SNX25: variants seen among roughly 807,000 people sequenced by gnomAD.
SNX25 encodes the protein sorting nexin-25.
SNX25 carries 62 observed loss-of-function variants against 113.7 expected under a neutral mutation model. That is an observed-to-expected ratio of 0.55 (90% confidence interval 0.44 to 0.67). The LOEUF (loss-of-function observed/expected upper bound fraction) is 0.67, where lower values mean the gene tolerates loss of function less well. Among genes scored for constraint, SNX25 ranks in the 30% least tolerant of loss-of-function variants. The probability of loss-of-function intolerance (pLI) is 0.00; values close to 1 mark genes in which losing one functional copy is unlikely to be tolerated. For synonymous variants in SNX25, 421 were observed against 436.2 expected, an observed-to-expected ratio of 0.97 and a Z score of 0.43; for missense variants, 1,014 against 1,161.0, an observed-to-expected ratio of 0.87 and a Z score of 1.84.
At chr4:185,224,430 A>G (rs1442369394) in intron 1 of SNX25, among the ~76,000 whole-genome samples, 37 of 98,776 alleles carry the variant, frequency 3.7e-4, no homozygotes, top group South Asian at 6.9e-4. Flanking sequence ...AATATATAAA[A>G]ATATATAGAT....
At chr4:185,242,572 G>A (rs980356815) in intron 1 of SNX25, among the ~76,000 whole-genome samples, 14 of 152,322 alleles carry the variant, frequency 9.2e-5, no homozygotes, top group East Asian at 3.9e-4. Context: ...GAAATGCTAC[G>A]GTGAGGTATG....
chr4:185,260,656 G>A (rs890462442), intron 3 of SNX25, among the ~76,000 whole-genome samples: 2 of 152,232 alleles, frequency 1.3e-5, no homozygotes, highest in Non-Finnish European at 1.5e-5. Flanking sequence ...CGGGAGTGAT[G>A]ATGCCATTTC....
chr4:185,269,192 C>A (rs1315930493), intron 5 of SNX25, among the ~76,000 whole-genome samples: 1 of 151,400 alleles, frequency 6.6e-6, no homozygotes, highest in Non-Finnish European at 1.5e-5. Flanking sequence ...TTTAAAGCAT[C>A]ATTCTATAAA....
intron 10 of SNX25, among the ~76,000 whole-genome samples, chr4:185,335,830 C>A (rs375129527): frequency 1.3e-5 from 2 of 152,128 alleles, no homozygotes; most frequent in Admixed American, 1.3e-4. Flanking sequence ...TAGAGTGACA[C>A]CTGCCCTCAA....
intron 3 of SNX25, among the ~76,000 whole-genome samples, chr4:185,259,330 A>G (rs1746908224): frequency 6.6e-6 from 1 of 152,158 alleles, no homozygotes; most frequent in Admixed American, 6.5e-5. Flanking sequence ...ATGATCTTAT[A>G]GTATTATGAG....
intron 13 of SNX25, 107 bp downstream of exon 13, chr4:185,346,757 T>A (rs1429264769): frequency 3.0e-6 from 2 of 659,394 alleles, no homozygotes; most frequent in Non-Finnish European, 5.1e-6. Flanking sequence ...TCACAAGCCA[T>A]GCTAGATGCT....
chr4:185,364,974 A>G (rs1047861672), downstream of SNX25: 1 of 151,916 alleles, frequency 6.6e-6, no homozygotes, highest in African/African-American at 2.4e-5. Context: ...TTTCCATGAG[A>G]TATCAGCTAC....
intron 1 of SNX25, among the ~76,000 whole-genome samples, chr4:185,221,489 T>C (rs1739843411): frequency 6.6e-6 from 1 of 152,086 alleles, no homozygotes; most frequent in Non-Finnish European, 1.5e-5. Flanking sequence ...CTTGCATTCA[T>C]CTACTTCTTT....
intron 6 of SNX25, among the ~76,000 whole-genome samples, chr4:185,308,445 C>T (rs1754777853): frequency 6.6e-6 from 1 of 152,330 alleles, no homozygotes; most frequent in East Asian, 1.9e-4. Context: ...ATCTTGGCAA[C>T]AGCAGATTTG....
chr4:185,339,596 G>A (rs2095249677), intron 11 of SNX25, 86 bp downstream of exon 11: 1 of 1,482,814 alleles, frequency 6.7e-7, no homozygotes, highest in Non-Finnish European at 9.0e-7. Context: ...GAAGATTGAG[G>A]GTAGAAAACT....
At chr4:185,288,185 C>A in intron 6 of SNX25, 103 bp downstream of exon 6, 1 of 774,696 alleles carries the variant, frequency 1.3e-6, no homozygotes, top group African/African-American at 1.8e-5. Flanking sequence ...GCTTTTCTGG[C>A]TTACATTTAA....
intron 9 of SNX25, among the ~76,000 whole-genome samples, chr4:185,331,154 G>A (rs188072333): frequency 6.6e-6 from 1 of 152,206 alleles, no homozygotes; most frequent in African/African-American, 2.4e-5. Flanking sequence ...TCTAGAAGTG[G>A]GAACTTTTGG....
At position 185,320,765 on chromosome 4, in the gene SNX25, G is replaced by A. The variant is rs750788634; in HGVS notation, c.1377G>A (p.Thr459=). The A allele has an allele frequency of 4.4e-6, 7 of 1,586,234 alleles. No homozygotes were observed. Among genetic ancestry groups the A allele is most frequent in the Admixed American group, 1.9e-5 (1 of 53,962 alleles). ...AGTTTGAAGATATCTTGGCCAATAC[G>A]TTCTACCGAGAGCACTTTGGAATGT... The part of the protein sequence containing the change: ...ILQFEDILAN[T]FYREHFGMYM... Residue 459 remains threonine (T), a synonymous_variant, in exon 8 of 19, where the codon ACG becomes ACA. Transcript: ENST00000652585.
In SNX25 at chr4:185,210,378, G is replaced by T. The variant is rs1737549722; in HGVS notation, c.429+123G>T. 8 of 979,580 alleles carry T rather than the reference G, an allele frequency of 8.2e-6. No individual in the cohort carries two copies. Among genetic ancestry groups the T allele is most frequent in the Non-Finnish European group, 9.7e-6 (8 of 825,054 alleles). The allele number at this position is 979,580 out of a possible 1,614,324, so 60.7% of individuals were successfully genotyped here. On this transcript the variant is annotated intron_variant, in intron 1 of 18. Transcript: ENST00000652585. The surrounding 1 kb of genome is among the most constrained non-coding windows in gnomAD (Gnocchi z 4.4). ...TGTCGAAGCGGGAAGCCGGGAGCCA[G>T]GGGGCTGGGCTGCGGGCCCGGCCGT...
At chr4:185,206,328 C>T (rs978804377), upstream of SNX25, among the ~76,000 whole-genome samples, 3 of 152,120 alleles carry the variant, frequency 2.0e-5, no homozygotes, top group African/African-American at 4.8e-5. Context: ...ATGACTTGTG[C>T]GCCTCTGGTC....
chr4:185,266,909 T>TA (rs1748177439), intron 4 of SNX25, 60 bp from the exon 5 acceptor site: 2 of 1,531,224 alleles, frequency 1.3e-6, no homozygotes, highest in African/African-American at 2.8e-5. Flanking sequence ...ATGTGATACA[T>TA]AAACAGTTCC....
downstream of SNX25, among the ~76,000 whole-genome samples, chr4:185,373,690 C>T (rs925848415): frequency 6.6e-6 from 1 of 152,188 alleles, no homozygotes; most frequent in Non-Finnish European, 1.5e-5. Context: ...GCCCCCATTT[C>T]CTTCTCCTTA....
chr4:185,353,382 A>G, intron 14 of SNX25, 103 bp from the exon 15 acceptor site: 1 of 821,276 alleles, frequency 1.2e-6, no homozygotes, highest in Non-Finnish European at 2.0e-6. Context: ...TTAAGGCTAA[A>G]ATACGAGCAG....
chr4:185,370,960 T>C (rs2095412745), downstream of SNX25: 1 of 775,142 alleles, frequency 1.3e-6, no homozygotes, highest in Non-Finnish European at 2.1e-6. Flanking sequence ...TGGGGAAGGG[T>C]CCATGTAGGC....
Sources: gnomAD v4.1 joint callset for allele counts (sites outside exome capture counted in the v4.1 genomes callset) on GRCh38, gnomAD v4.1.1 for gene constraint, Gnocchi (gnomAD v3.1) non-coding constraint, MANE v1.5 for transcripts, NCBI Gene and HGNC (gene_info 2026-07-23, HGNC 2026-07-21) for gene names.